Variants in GALNTL6 observed in about 807,000 individuals in gnomAD.
The protein encoded by GALNTL6 is polypeptide N-acetylgalactosaminyltransferase like 6, also known as polypeptide N-acetylgalactosaminyltransferase-like 6.
GALNTL6 carries 46 observed loss-of-function variants against 73.7 expected under a neutral mutation model. The observed-to-expected ratio is 0.62, with a 90% CI of 0.49 to 0.80. The LOEUF is 0.80. GALNTL6 is among the 30% of genes least tolerant of loss of function. The pLI, the probability that GALNTL6 is intolerant of heterozygous loss-of-function variation, is 0.00. For synonymous variants in GALNTL6, 259 were observed against 263.7 expected (o/e 0.98, Z 0.17); for missense variants, 604 against 755.0 (o/e 0.80, Z 2.34).
chr4:172,255,028 TC>T (rs35619523), intron 3 of GALNTL6, among the ~76,000 whole-genome samples: 1 of 151,642 alleles, frequency 6.6e-6, no homozygotes, highest in African/African-American at 2.4e-5. Flanking sequence ...ATATAAGACA[TC>T]CCCAAACAGC....
At chr4:171,829,561 G>A (rs1366937526) in intron 2 of GALNTL6, among the ~76,000 whole-genome samples, 1 of 151,882 alleles carries the variant, frequency 6.6e-6, no homozygotes, top group African/African-American at 2.4e-5. Flanking sequence ...TTTTCCCCCT[G>A]GAATTTGAAG....
In GALNTL6 at chr4:173,040,697, A is replaced by G. The variant is rs1753864478; in HGVS notation, c.*597A>G. On this transcript the variant is annotated 3_prime_UTR_variant, in exon 13 of 13. Coordinates refer to ENST00000506823, the MANE Select transcript of GALNTL6 (RefSeq NM_001034845.3). ...TCTAATGTAAGACTTAAATTACATA[A>G]TGAAATGGACATCCAGTGTTCCCAT... 1 of 152,618 alleles carries G rather than the reference A, an allele frequency of 6.6e-6. No individual in the cohort carries two copies. Among genetic ancestry groups the G allele is most frequent in the South Asian group, 2.1e-4 (1 of 4,826 alleles). 9.5% of individuals were successfully genotyped at this position (152,618 alleles called of 1,614,324 possible).
intron 2 of GALNTL6, among the ~76,000 whole-genome samples, chr4:172,212,327 A>T (rs556754791): frequency 1.3e-5 from 2 of 151,926 alleles, no homozygotes; most frequent in Admixed American, 1.3e-4. Flanking sequence ...ACGCCTGGCT[A>T]ATTTTTATAT....
rs562866103 is a variant in GALNTL6, at chr4:172,267,273, C to A, written c.247+37509C>A. Reference sequence around the variant, plus strand: ...GTAATGAGAGCAGGAAAGGATTCTTCTAGGAAGTACCATTTGTGTACAGTC... The same window carrying A: ...GTAATGAGAGCAGGAAAGGATTCTTATAGGAAGTACCATTTGTGTACAGTC... On this transcript the variant is annotated intron_variant, in intron 3 of 12. Coordinates refer to ENST00000506823, the MANE Select transcript of GALNTL6 (RefSeq NM_001034845.3). 1.6e-4 allele frequency among the ~76,000 whole-genome samples: 25 copies of A among 152,110 alleles called. No homozygotes were observed. The Middle Eastern group carries it at 0.01, about 62-fold the overall frequency.
intron 2 of GALNTL6, among the ~76,000 whole-genome samples, chr4:172,216,299 C>T (rs369115768): frequency 1.3e-4 from 19 of 151,738 alleles, no homozygotes; most frequent in East Asian, 5.8e-4. Flanking sequence ...AATAATTTCA[C>T]TGAGTATAGA....
At chr4:172,682,861 G>T (rs999489022) in intron 5 of GALNTL6, among the ~76,000 whole-genome samples, 2 of 150,880 alleles carry the variant, frequency 1.3e-5, no homozygotes, top group African/African-American at 2.4e-5. Context: ...AAAAAAATTA[G>T]AAAAAAAAAT....
At chr4:172,379,028 A>G (rs1002584737) in intron 5 of GALNTL6, among the ~76,000 whole-genome samples, 4 of 152,184 alleles carry the variant, frequency 2.6e-5, no homozygotes, top group Non-Finnish European at 5.9e-5. Flanking sequence ...TTTTACTAAA[A>G]CATAAGACTT....
chr4:172,480,739 G>C (rs72995053), intron 5 of GALNTL6, among the ~76,000 whole-genome samples: 7,109 of 152,272 alleles, frequency 0.047, 531 homozygotes, highest in African/African-American at 0.16. Context: ...TTTGTGGTCA[G>C]ATGTGGATTA....
intron 5 of GALNTL6, among the ~76,000 whole-genome samples, chr4:172,662,673 T>C (rs1477765566): frequency 6.6e-6 from 1 of 152,218 alleles, no homozygotes; most frequent in Non-Finnish European, 1.5e-5. Flanking sequence ...TGGTACCCAG[T>C]GAGTGCTTAT....
chr4:172,916,106 A>G (rs1476321948), intron 8 of GALNTL6, among the ~76,000 whole-genome samples: 1 of 152,236 alleles, frequency 6.6e-6, no homozygotes, highest in Non-Finnish European at 1.5e-5. Context: ...GCAAATCAAT[A>G]AGTGTAATCC....
At chr4:172,294,064 G>A (rs771300368) in intron 3 of GALNTL6, among the ~76,000 whole-genome samples, 10 of 150,550 alleles carry the variant, frequency 6.6e-5, no homozygotes, top group East Asian at 3.9e-4. Context: ...AATTTCATTC[G>A]TCTTCTTACA....
chr4:172,016,372 G>T (rs374925831), intron 2 of GALNTL6, among the ~76,000 whole-genome samples: 2 of 152,046 alleles, frequency 1.3e-5, no homozygotes, highest in East Asian at 3.9e-4. Flanking sequence ...ATTTTCCACT[G>T]CATTTTGTAT....
chr4:172,240,263 G>T (rs1033168610), intron 3 of GALNTL6, among the ~76,000 whole-genome samples: 1 of 151,788 alleles, frequency 6.6e-6, no homozygotes, highest in Non-Finnish European at 1.5e-5. Context: ...TCACTCTGTC[G>T]CCCAAGCTGG....
chr4:172,250,201 T>C (rs900862728), intron 3 of GALNTL6, among the ~76,000 whole-genome samples: 1 of 152,118 alleles, frequency 6.6e-6, no homozygotes, highest in African/African-American at 2.4e-5. Flanking sequence ...ATGTGAGTCA[T>C]GGAGGCCTGT....
chr4:172,491,253 C>A (rs1480536225), intron 5 of GALNTL6, among the ~76,000 whole-genome samples: 1 of 151,986 alleles, frequency 6.6e-6, no homozygotes, highest in Non-Finnish European at 1.5e-5. Context: ...TGGTTGGCTT[C>A]AATTTAGGTG....
intron 2 of GALNTL6, among the ~76,000 whole-genome samples, chr4:172,061,871 C>T (rs1731210794): frequency 6.6e-6 from 1 of 151,714 alleles, no homozygotes; most frequent in Admixed American, 6.6e-5. Flanking sequence ...CATACGCCAA[C>T]ATTGCACTGT....
chr4:173,036,121 G>C (rs1368920535), intron 12 of GALNTL6, among the ~76,000 whole-genome samples: 1 of 152,134 alleles, frequency 6.6e-6, no homozygotes, highest in Non-Finnish European at 1.5e-5. Flanking sequence ...TTACATAGCA[G>C]GACTGAAATT....
At position 172,594,660 on chromosome 4, in the gene GALNTL6, G is replaced by A. The variant is rs1002102105; in HGVS notation, c.554-214701G>A. ...CTTTTTCACAGTCCTATTTTATTTA[G>A]TATATCCTCTTACATATTAAAGAAT... On this transcript the variant is annotated intron_variant, in intron 5 of 12. Coordinates refer to ENST00000506823, the MANE Select transcript of GALNTL6 (RefSeq NM_001034845.3). Among the ~76,000 whole-genome samples, 4 of 152,024 alleles carry A rather than the reference G, an allele frequency of 2.6e-5. No individual in the cohort carries two copies. In the East Asian group the frequency reaches 5.8e-4, roughly 22 times the overall value.
intron 3 of GALNTL6, among the ~76,000 whole-genome samples, chr4:172,242,050 T>A (rs1171897450): frequency 1.3e-5 from 2 of 152,166 alleles, no homozygotes; most frequent in Non-Finnish European, 2.9e-5. Context: ...ATACATTGAG[T>A]ATAATTATAG....
Sources: gnomAD v4.1 joint callset for allele counts (sites outside exome capture counted in the v4.1 genomes callset) on GRCh38, gnomAD v4.1.1 for gene constraint, MANE v1.5 for transcripts, NCBI Gene and HGNC (gene_info 2026-07-23, HGNC 2026-07-21) for gene names.